The following ZNF160 variants were observed in gnomAD, a reference collection of about 807,000 sequenced individuals.
ZNF160 encodes KRAB zinc finger protein KR18.
A neutral mutation model predicts 13.1 loss-of-function variants in ZNF160; 9 were observed. That is an observed-to-expected ratio of 0.69 (90% CI 0.41 to 1.20). ZNF160 has a LOEUF of 1.20. Ranked by LOEUF, ZNF160 falls within the 50% of genes most tolerant of loss-of-function variation. The probability of loss-of-function intolerance (pLI) is 0.01; values close to 1 mark genes in which losing one functional copy is unlikely to be tolerated. For synonymous variants in ZNF160, 293 were observed against 333.2 expected, an observed-to-expected ratio of 0.88 and a Z score of 1.31; for missense variants, 838 against 988.0, an observed-to-expected ratio of 0.85 and a Z score of 2.04.
intron 5 of ZNF160, among the ~76,000 whole-genome samples, chr19:53,070,592 T>G (rs969957016): frequency 6.6e-6 from 1 of 152,114 alleles, no homozygotes; most frequent in South Asian, 2.1e-4. Context: ...GTTTTTGTAT[T>G]TTTAGTAGAG....
chr19:53,075,218 G>A (rs748552719), intron 3 of ZNF160, 35 bp from the exon 4 acceptor site: 1 of 1,606,564 alleles, frequency 6.2e-7, no homozygotes. Flanking sequence ...AAGTGGCTAA[G>A]GGGAGAGTTC....
In ZNF160 at chr19:53,068,916, T is replaced by C. The variant is rs575854572; in HGVS notation, c.1618A>G (p.Ile540Val). The change falls in exon 6 of 6, where the codon ATT (isoleucine) becomes GTT (valine). Residue 540 changes from isoleucine to valine, a missense_variant. Around this residue, in one of 3 missense-constraint regions of ZNF160, gnomAD observed 400 missense variants for 538.9 expected, o/e 0.74. Coordinates refer to ENST00000683776, the MANE Select transcript of ZNF160 (RefSeq NM_001322131.2). ...IHSGEKPYKC[I>V]ECGKSFTQKS... ...TGAGTGAAGCTCTTGCCACATTCAA[T>C]ACATTTGTAAGGTTTCTCTCCAGAA... is the stretch of plus-strand genomic sequence containing the variant. The C allele has an allele frequency of 2.5e-6, 4 of 1,613,950 alleles. No homozygotes were observed. The South Asian group carries it at 3.3e-5, about 13-fold the overall frequency.
At position 53,068,929 on chromosome 19, in the gene ZNF160, T is replaced by G. The variant is rs1384363417; in HGVS notation, c.1605A>C (p.Lys535Asn). 1 of 1,613,706 alleles carries G rather than the reference T, an allele frequency of 6.2e-7. No homozygotes were observed. Among genetic ancestry groups the G allele is most frequent in the Non-Finnish European group, 8.5e-7 (1 of 1,179,942 alleles). The change falls in exon 6 of 6, where the codon AAA becomes AAC. Residue 535 changes from lysine to asparagine, a missense_variant. Transcript: ENST00000683776. ...TGCCACATTCAATACATTTGTAAGG[T>G]TTCTCTCCAGAATGGATTGCCTGAT... ...TTHQAIHSGE[K>N]PYKCIECGKS... is the part of the protein sequence containing the mutation.
chr19:53,095,242 T>A (rs568457586), intron 1 of ZNF160: 1 of 100,610 alleles, frequency 9.9e-6, no homozygotes, highest in South Asian at 4.0e-4. Flanking sequence ...CCTTTCCCAT[T>A]GCCCAGACCC....
At chr19:53,086,413 C>T (rs1203921000) in intron 2 of ZNF160, 92 bp from the exon 3 acceptor site, 1 of 1,137,052 alleles carries the variant, frequency 8.8e-7, no homozygotes, top group South Asian at 1.8e-5. Context: ...CCTTCATGTG[C>T]CACAGTCACA....
chr19:53,086,000 A>C lies in ZNF160; in HGVS notation c.15+262T>G, dbSNP rs1367829214. 2.2e-6 allele frequency: 3 copies of C among 1,391,452 alleles called. No homozygotes were observed. The African/African-American group carries it at 4.3e-5, about 20-fold the overall frequency. The allele number at this position is 1,391,452 out of a possible 1,614,324, so 86.2% of individuals were successfully genotyped here. A position where few individuals can be genotyped will look rare whatever the true frequency, so the allele number is the denominator to read the frequency against. On this transcript the variant is annotated intron_variant, in intron 3 of 5. Coordinates refer to ENST00000683776, the MANE Select transcript of ZNF160 (RefSeq NM_001322131.2). ...CCTGCTGCCCAACAGCACTGACACC[A>C]CAGGACCCTCACCCCGTCTCCATCC...
At chr19:53,102,993 G>A (rs994543956) in intron 1 of ZNF160, among the ~76,000 whole-genome samples, 2 of 152,192 alleles carry the variant, frequency 1.3e-5, no homozygotes, top group African/African-American at 4.8e-5. Context: ...CGGCCTCCCC[G>A]GGACTGGGTC....
rs1419955078 is a variant in ZNF160, at chr19:53,066,736, A to G, written c.*1341T>C. On this transcript the variant is annotated 3_prime_UTR_variant, in exon 6 of 6. Coordinates refer to ENST00000683776, the MANE Select transcript of ZNF160 (RefSeq NM_001322131.2). Reference sequence around the variant, plus strand: ...GTTCTACTAAAGAATATGTTACTCTACTTCTGTTGATTAAACTCTTCACTC... The same window carrying G: ...GTTCTACTAAAGAATATGTTACTCTGCTTCTGTTGATTAAACTCTTCACTC... The G allele has an allele frequency of 1.3e-5, 2 of 152,172 alleles. No homozygotes were observed. Among genetic ancestry groups the G allele is most frequent in the Non-Finnish European group, 2.9e-5 (2 of 68,028 alleles). 9.4% of individuals were successfully genotyped at this position (152,172 alleles called of 1,614,324 possible).
At chr19:53,077,810 T>C (rs2084458166) in intron 3 of ZNF160, among the ~76,000 whole-genome samples, 1 of 151,930 alleles carries the variant, frequency 6.6e-6, no homozygotes. Context: ...ACTCCTAAAG[T>C]TGCTCAGTGT....
chr19:53,075,215 T>A, intron 3 of ZNF160, 32 bp from the exon 4 acceptor site: 1 of 1,608,372 alleles, frequency 6.2e-7, no homozygotes, highest in South Asian at 1.1e-5. Context: ...ACCAAGTGGC[T>A]AAGGGGAGAG....
chr19:53,085,174 C>T (rs1455111335), intron 3 of ZNF160: 126 of 985,252 alleles, frequency 1.3e-4, no homozygotes, highest in Non-Finnish European at 1.5e-4. Context: ...TGTCTTCATT[C>T]CCAGCATGCT....
intron 3 of ZNF160, among the ~76,000 whole-genome samples, chr19:53,080,820 A>C (rs2084602353): frequency 6.6e-6 from 1 of 152,240 alleles, no homozygotes; most frequent in African/African-American, 2.4e-5. Flanking sequence ...ACTTCAAACC[A>C]TATTGCAAGG....
intron 3 of ZNF160, among the ~76,000 whole-genome samples, chr19:53,081,959 C>T (rs2084649438): frequency 6.6e-6 from 1 of 152,260 alleles, no homozygotes; most frequent in Admixed American, 6.5e-5. Flanking sequence ...AAATCATGTC[C>T]TTTGCAACAA....
intron 2 of ZNF160, 24 bp from the exon 3 acceptor site, chr19:53,086,345 T>C (rs1166904755): frequency 6.5e-7 from 1 of 1,538,862 alleles, no homozygotes; most frequent in East Asian, 2.2e-5. Flanking sequence ...AAAGAGTCTT[T>C]AGAAGTCAAT....
At chr19:53,073,431 CG>C in intron 5 of ZNF160, 4 of 1,598,384 alleles carry the variant, frequency 2.5e-6, no homozygotes, top group Non-Finnish European at 3.4e-6. Flanking sequence ...CAGGCGGAGA[CG>C]GCTGGAGACT....
At chr19:53,076,412 G>C (rs2084391441) in intron 3 of ZNF160, among the ~76,000 whole-genome samples, 1 of 152,296 alleles carries the variant, frequency 6.6e-6, no homozygotes, top group Non-Finnish European at 1.5e-5. Flanking sequence ...GGCCGAGGCG[G>C]GTGGATTACT....
chr19:53,084,164 C>T lies in ZNF160; in HGVS notation c.15+2098G>A, dbSNP rs529158918. Reference sequence around the variant, plus strand: ...TCTCTCCCACCCGGAGAGTTTCAGCCACTTTTACAACCCAGTTCTGCCCAC... The same window carrying T: ...TCTCTCCCACCCGGAGAGTTTCAGCTACTTTTACAACCCAGTTCTGCCCAC... On this transcript the variant is annotated intron_variant, in intron 3 of 5. Coordinates refer to ENST00000683776, the MANE Select transcript of ZNF160 (RefSeq NM_001322131.2). Among the ~76,000 whole-genome samples the T allele has an allele frequency of 1.6e-3, 248 of 152,282 alleles. 2 individuals are homozygous for T. Among genetic ancestry groups the T allele is most frequent in the African/African-American group, 5.7e-3 (236 of 41,562 alleles).
rs966928519 is a variant in ZNF160, at chr19:53,099,048, G to A, written c.-354+4217C>T. 1.2e-4 allele frequency among the ~76,000 whole-genome samples: 18 copies of A among 144,770 alleles called. 2 individuals carry two copies. Among genetic ancestry groups the A allele is most frequent in the African/African-American group, 4.1e-4 (15 of 36,252 alleles). The allele number at this position is 144,770 out of a possible 152,430, so 95.0% of individuals were successfully genotyped here. On this transcript the variant is annotated intron_variant, in intron 1 of 5. Transcript: ENST00000683776. Reference sequence around the variant, plus strand: ...CAGCCCGACCCCAGCCCCAGCATCTGAACCACAACCCCAGAGCAGGTGCTG... The same window carrying A: ...CAGCCCGACCCCAGCCCCAGCATCTAAACCACAACCCCAGAGCAGGTGCTG...
chr19:53,073,994 T>C, intron 5 of ZNF160, 146 bp downstream of exon 5: 1 of 721,752 alleles, frequency 1.4e-6, no homozygotes, highest in East Asian at 2.6e-5. Context: ...TTCACAATGT[T>C]GGTCAGGCTG....
Sources: allele counts gnomAD v4.1 joint callset (sites outside exome capture counted in the v4.1 genomes callset), GRCh38; gene constraint gnomAD v4.1.1; regional missense constraint gnomAD v4.1.1; transcripts MANE v1.5; gene names NCBI Gene and HGNC (gene_info 2026-07-23, HGNC 2026-07-21).